ADARB2: variants seen among roughly 807,000 people sequenced by gnomAD.
The protein encoded by ADARB2 is adenosine deaminase RNA specific B2 (inactive).
In ADARB2, 25 loss-of-function variants were observed where a neutral mutation model predicts 62.2. That is an observed-to-expected ratio of 0.40 (90% CI 0.29 to 0.56). The LOEUF is 0.56. Among genes scored for constraint, ADARB2 ranks in the 20% least tolerant of loss-of-function variants. The pLI, the probability that ADARB2 is intolerant of heterozygous loss-of-function variation, is 0.43. For missense variants in ADARB2, 1,071 were observed against 1,077.4 expected, an observed-to-expected ratio of 0.99 and a Z score of 0.08; for synonymous variants, 572 against 500.8, an observed-to-expected ratio of 1.14 and a Z score of -1.90.
intron 1 of ADARB2, among the ~76,000 whole-genome samples, chr10:1,520,061 G>A (rs1832055051): frequency 7.2e-5 from 11 of 152,162 alleles, no homozygotes; most frequent in Admixed American, 7.2e-4. Flanking sequence ...GCTCGCATTG[G>A]CATATTTGCT....
chr10:1,310,829 AAGG>A (rs759145965), intron 3 of ADARB2, among the ~76,000 whole-genome samples: 8 of 152,238 alleles, frequency 5.3e-5, no homozygotes, highest in Non-Finnish European at 8.8e-5. Flanking sequence ...TTGTAAAGAC[AAGG>A]AGTAGTTTTC....
chr10:1,482,029 C>A (rs7084465), intron 1 of ADARB2, among the ~76,000 whole-genome samples: 28,756 of 152,044 alleles, frequency 0.19, 2,739 homozygotes, highest in East Asian at 0.21. Flanking sequence ...AAATAAAAAT[C>A]AAAACCATGA....
chr10:1,430,793 C>G (rs1830770336), intron 1 of ADARB2, among the ~76,000 whole-genome samples: 1 of 151,808 alleles, frequency 6.6e-6, no homozygotes, highest in African/African-American at 2.4e-5. Context: ...AGACTCATAG[C>G]CAAGAAAATC....
At chr10:1,523,678 T>A (rs1433939192) in intron 1 of ADARB2, among the ~76,000 whole-genome samples, 2 of 149,258 alleles carry the variant, frequency 1.3e-5, no homozygotes, top group Non-Finnish European at 3.0e-5. Context: ...AAACAAGCAA[T>A]GATTTAGAGT....
chr10:1,408,165 C>T (rs1832723169), intron 1 of ADARB2, among the ~76,000 whole-genome samples: 1 of 152,166 alleles, frequency 6.6e-6, no homozygotes, highest in South Asian at 2.1e-4. Flanking sequence ...TCATGCTTTA[C>T]ATGGTTTGGC....
intron 3 of ADARB2, among the ~76,000 whole-genome samples, chr10:1,362,058 C>CA (rs1165373114): frequency 3.3e-5 from 5 of 152,188 alleles, no homozygotes; most frequent in Non-Finnish European, 7.3e-5. Context: ...AAAATGGTAT[C>CA]AGAATAGTTT....
At chr10:1,321,705 CCTTCT>C (rs1415589905) in intron 3 of ADARB2, among the ~76,000 whole-genome samples, 1 of 152,190 alleles carries the variant, frequency 6.6e-6, no homozygotes. Flanking sequence ...TTAATATCCT[CCTTCT>C]CTTAAACAAA....
intron 1 of ADARB2, among the ~76,000 whole-genome samples, chr10:1,498,551 T>A (rs1023785493): frequency 7.2e-5 from 11 of 151,970 alleles, no homozygotes; most frequent in African/African-American, 1.4e-4. Context: ...CAAAAAAAAA[T>A]TACTGTTTAT....
intron 3 of ADARB2, among the ~76,000 whole-genome samples, chr10:1,352,797 C>T (rs1832156038): frequency 6.6e-6 from 1 of 152,324 alleles, no homozygotes; most frequent in East Asian, 1.9e-4. Flanking sequence ...TTCAATCCAG[C>T]CTCCCACATT....
Position 1,300,706 on chromosome 10 carries a change from T to C in ADARB2, c.1078-29637A>G, listed in dbSNP as rs778303968. Among the ~76,000 whole-genome samples the C allele has an allele frequency of 2.3e-4, 35 of 152,346 alleles. 1 individual carries two copies. Among genetic ancestry groups the C allele is most frequent in the Non-Finnish European group, 4.6e-4 (31 of 68,040 alleles). ...CAGTAAATATTCACTGAAAAGGGATTTGGATTTAAAATCAAAACATACAGA... is the reference window on the plus strand; with the variant it reads ...CAGTAAATATTCACTGAAAAGGGATCTGGATTTAAAATCAAAACATACAGA... On this transcript the variant is annotated intron_variant, in intron 3 of 9. Transcript: ENST00000381312.
At chr10:1,715,247 T>C (rs1835003621) in intron 1 of ADARB2, among the ~76,000 whole-genome samples, 1 of 152,156 alleles carries the variant, frequency 6.6e-6, no homozygotes, top group African/African-American at 2.4e-5. Context: ...GATGCTCAGT[T>C]GCAATAGTCT....
At position 1,405,030 on chromosome 10, in the gene ADARB2, C is replaced by T. The variant is rs1443076724; in HGVS notation, c.101-25870G>A. The stretch of plus-strand genomic sequence containing the variant: ...AATTCCCGGCGCCTGCGTGGAGGAT[C>T]GTTGCGTCTTCAGAAACTGCTCCCA... On this transcript the variant is annotated intron_variant, in intron 1 of 9. Coordinates refer to ENST00000381312, the MANE Select transcript of ADARB2 (RefSeq NM_018702.4). 3.3e-5 allele frequency among the ~76,000 whole-genome samples: 5 copies of T among 152,314 alleles called. No homozygotes were observed. In the East Asian group the frequency reaches 5.8e-4, roughly 18 times the overall value.
chr10:1,392,865 C>T (rs1029884258), intron 1 of ADARB2, among the ~76,000 whole-genome samples: 2 of 152,124 alleles, frequency 1.3e-5, no homozygotes, highest in African/African-American at 4.8e-5. Context: ...TGATATCCTA[C>T]AAGAATTCAT....
chr10:1,199,814 T>A, intron 8 of ADARB2, 152 bp downstream of exon 8: 1 of 811,202 alleles, frequency 1.2e-6, no homozygotes, highest in South Asian at 2.2e-5. Flanking sequence ...TTTCATTTTT[T>A]CTTTTTAAAA....
intron 1 of ADARB2, among the ~76,000 whole-genome samples, chr10:1,500,572 C>T (rs902136020): frequency 2.6e-5 from 4 of 152,266 alleles, no homozygotes; most frequent in Non-Finnish European, 2.9e-5. Flanking sequence ...TCTTCATAAA[C>T]ACCTACAGCA....
intron 1 of ADARB2, among the ~76,000 whole-genome samples, chr10:1,469,988 C>T (rs4988559): frequency 0.091 from 13,881 of 151,972 alleles, 840 homozygotes; most frequent in East Asian, 0.31. Context: ...GGCATGAGGC[C>T]GGCGTGCCTG....
At chr10:1,262,661 G>T (rs933255723) in intron 4 of ADARB2, among the ~76,000 whole-genome samples, 19 of 152,114 alleles carry the variant, frequency 1.2e-4, no homozygotes, top group Non-Finnish European at 2.9e-5. Flanking sequence ...GGAGAAATAG[G>T]AACACTTTTA....
chr10:1,737,450 T>C lies in ADARB2; in HGVS notation c.-300A>G, dbSNP rs1835316434. ...AGTGCTCCGAGCTTCCCGCGGGCTCTGCCTCCTGCTCTGGGCTCCCAGCGC... is the reference window on the plus strand; with the variant it reads ...AGTGCTCCGAGCTTCCCGCGGGCTCCGCCTCCTGCTCTGGGCTCCCAGCGC... On this transcript the variant is annotated 5_prime_UTR_variant, in exon 1 of 10. Coordinates refer to ENST00000381312, the MANE Select transcript of ADARB2 (RefSeq NM_018702.4). 2 of 408,824 alleles carry C rather than the reference T, an allele frequency of 4.9e-6. No individual in the cohort carries two copies. The highest frequency in any genetic ancestry group is 7.5e-5 in the Admixed American group (2 of 26,728). 25.3% of individuals were successfully genotyped at this position (408,824 alleles called of 1,614,324 possible). A position where few individuals can be genotyped will look rare whatever the true frequency, so the allele number is the denominator to read the frequency against.
At chr10:1,706,429 G>T (rs1834890689) in intron 1 of ADARB2, among the ~76,000 whole-genome samples, 1 of 152,156 alleles carries the variant, frequency 6.6e-6, no homozygotes, top group African/African-American at 2.4e-5. Context: ...TTTTTCCTGT[G>T]GGCTGGCCTT....
Sources: allele counts gnomAD v4.1 joint callset (sites outside exome capture counted in the v4.1 genomes callset), GRCh38; gene constraint gnomAD v4.1.1; transcripts MANE v1.5; gene names NCBI Gene and HGNC (gene_info 2026-07-23, HGNC 2026-07-21).